Variants in ERC1 observed in about 807,000 individuals in gnomAD.
ERC1 encodes ELKS/RAB6-interacting/CAST family member 1, also known as RAB6 interacting protein 2.
A neutral mutation model predicts 132.0 loss-of-function variants in ERC1; 56 were observed. The ratio of observed to expected loss-of-function variants is 0.42; its 90% CI spans 0.34 to 0.53. The LOEUF is 0.53. ERC1 is among the 20% of genes least tolerant of loss of function. ERC1 has a pLI of 0.03. For missense variants in ERC1, 1,202 were observed against 1,349.9 expected, an observed-to-expected ratio of 0.89 and a Z score of 1.72; for synonymous variants, 478 against 476.1, an observed-to-expected ratio of 1.00 and a Z score of -0.05.
intron 16 of ERC1, among the ~76,000 whole-genome samples, chr12:1,395,152 C>T (rs1015802195): frequency 2.0e-5 from 3 of 152,204 alleles, no homozygotes; most frequent in South Asian, 2.1e-4. Flanking sequence ...CAAAGTGGGG[C>T]AGTGACCAGG....
chr12:1,228,849 C>G (rs1410516014), intron 12 of ERC1, among the ~76,000 whole-genome samples: 3 of 152,164 alleles, frequency 2.0e-5, no homozygotes, highest in Admixed American at 2.0e-4. Context: ...TTTGAACTAT[C>G]CTTGCAAATA....
At chr12:1,413,295 T>C (rs1287924707) in intron 17 of ERC1, among the ~76,000 whole-genome samples, 1 of 151,976 alleles carries the variant, frequency 6.6e-6, no homozygotes, top group East Asian at 1.9e-4. Flanking sequence ...TCTTGGCCTA[T>C]AGAAAATCCA....
At chr12:1,431,144 G>A (rs749932366) in intron 17 of ERC1, among the ~76,000 whole-genome samples, 1 of 152,192 alleles carries the variant, frequency 6.6e-6, no homozygotes, top group Non-Finnish European at 1.5e-5. Flanking sequence ...GAGCTGTGAT[G>A]CGCTGATGCC....
chr12:1,438,972 A>ATATATATATATAT (rs1246217572), intron 17 of ERC1, among the ~76,000 whole-genome samples: 6 of 143,918 alleles, frequency 4.2e-5, no homozygotes, highest in African/African-American at 1.4e-4. Context: ...TATATATATA[A>ATATATATATATAT]AAAATGACAT....
At chr12:1,279,658 CT>C (rs139054168) in intron 14 of ERC1, among the ~76,000 whole-genome samples, 14,048 of 141,776 alleles carry the variant, frequency 0.099, 905 homozygotes, top group African/African-American at 0.19. Flanking sequence ...TCAAAGCAGA[CT>C]TTTTTTTTTT....
chr12:1,231,975 A>C (rs1440494664), intron 12 of ERC1, among the ~76,000 whole-genome samples: 1 of 152,120 alleles, frequency 6.6e-6, no homozygotes, highest in Non-Finnish European at 1.5e-5. Context: ...TCCTGACCTC[A>C]TGATCCACCC....
At chr12:1,221,394 A>G (rs1566292946) in intron 12 of ERC1, among the ~76,000 whole-genome samples, 1 of 152,238 alleles carries the variant, frequency 6.6e-6, no homozygotes, top group Non-Finnish European at 1.5e-5. Flanking sequence ...GAATAAGCAT[A>G]GAAATAAAAG....
At position 1,141,707 on chromosome 12, in the gene ERC1, G is replaced by A. The variant is rs1455264246; in HGVS notation, c.1657G>A (p.Gly553Arg). Residue 553 changes from glycine (G) to arginine (R), a missense_variant, in exon 8 of 19, where the codon GGG (glycine) becomes AGG (arginine). Gly to Arg is a moderately radical substitution (Grantham distance 125). Coordinates refer to ENST00000360905, the MANE Select transcript of ERC1 (RefSeq NM_178040.4). The stretch of plus-strand genomic sequence containing the variant: ...AATTCAGGATATGGCTGAAGAGAAG[G>A]GGACACAAGCTGGAGAGATACATGA... ...KQIQDMAEEK[G>R]TQAGEIHDLK... 1.2e-6 allele frequency: 2 copies of A among 1,613,338 alleles called. No individual in the cohort carries two copies. The highest frequency in any genetic ancestry group is 1.3e-5 in the African/African-American group (1 of 74,878).
chr12:1,490,032 T>C, intron 18 of ERC1, 61 bp from the exon 19 acceptor site: 1 of 1,558,220 alleles, frequency 6.4e-7, no homozygotes, highest in Non-Finnish European at 8.8e-7. Context: ...TGAAAAATAA[T>C]TCTTAGCTCA....
intron 2 of ERC1, among the ~76,000 whole-genome samples, chr12:1,075,447 CT>C (rs1454206844): frequency 6.6e-6 from 1 of 152,192 alleles, no homozygotes; most frequent in Non-Finnish European, 1.5e-5. Context: ...AATCCCAGCT[CT>C]TTGGGAGGCC....
At chr12:1,125,180 G>A (rs1188975051) in intron 7 of ERC1, among the ~76,000 whole-genome samples, 2 of 151,976 alleles carry the variant, frequency 1.3e-5, no homozygotes, top group East Asian at 3.9e-4. Context: ...ATTTTTAGTA[G>A]AAATGGGGTT....
At chr12:1,278,458 A>C (rs975682410) in intron 14 of ERC1, among the ~76,000 whole-genome samples, 1 of 152,130 alleles carries the variant, frequency 6.6e-6, no homozygotes, top group African/African-American at 2.4e-5. Context: ...AAGAGTTGAA[A>C]TTTCATAGTA....
intron 15 of ERC1, among the ~76,000 whole-genome samples, chr12:1,364,529 G>A (rs2086470826): frequency 6.6e-6 from 1 of 152,130 alleles, no homozygotes; most frequent in Non-Finnish European, 1.5e-5. Flanking sequence ...CAGCTTCTCT[G>A]CCATTTCCTG....
intron 14 of ERC1, among the ~76,000 whole-genome samples, chr12:1,270,919 A>G (rs2077800780): frequency 6.6e-6 from 1 of 152,140 alleles, no homozygotes; most frequent in Non-Finnish European, 1.5e-5. Context: ...GAAAATGTAA[A>G]TAATAATTTG....
At chr12:1,072,364 T>C (rs530692032) in intron 2 of ERC1, among the ~76,000 whole-genome samples, 7 of 152,322 alleles carry the variant, frequency 4.6e-5, no homozygotes, top group Non-Finnish European at 8.8e-5. Flanking sequence ...GCAAATTTAT[T>C]TTCCTTTCAA....
At chr12:1,284,964 T>G (rs936916005) in intron 14 of ERC1, among the ~76,000 whole-genome samples, 1 of 152,224 alleles carries the variant, frequency 6.6e-6, no homozygotes, top group Non-Finnish European at 1.5e-5. Flanking sequence ...CTTTGATGAT[T>G]AGTGATGTCA....
intron 1 of ERC1, among the ~76,000 whole-genome samples, chr12:1,003,096 C>CAAAAAAAA (rs59507923): frequency 1.2e-5 from 1 of 86,918 alleles, no homozygotes; most frequent in Non-Finnish European, 2.0e-5. Context: ...ATGAAAAATG[C>CAAAAAAAA]AAAAAAAAAA....
intron 14 of ERC1, among the ~76,000 whole-genome samples, chr12:1,286,682 A>G (rs1438666618): frequency 2.0e-5 from 3 of 152,188 alleles, no homozygotes; most frequent in African/African-American, 7.2e-5. Flanking sequence ...AAACTTCAAA[A>G]TCTGTCAGTA....
chr12:1,367,637 A>C (rs1692421617), intron 15 of ERC1, among the ~76,000 whole-genome samples: 1 of 152,090 alleles, frequency 6.6e-6, no homozygotes, highest in Non-Finnish European at 1.5e-5. Flanking sequence ...TTTGCCTTTG[A>C]TGTTTGCCTC....
Sources: gnomAD v4.1 joint callset for allele counts (sites outside exome capture counted in the v4.1 genomes callset) on GRCh38, gnomAD v4.1.1 for gene constraint, MANE v1.5 for transcripts, NCBI Gene and HGNC (gene_info 2026-07-23, HGNC 2026-07-21) for gene names.